Variants in RIN3 observed in about 807,000 individuals in gnomAD.
RIN3 encodes the protein RAB5 interacting protein 3.
RIN3 carries 54 observed loss-of-function variants against 76.3 expected under a neutral mutation model. That is an observed-to-expected ratio of 0.71 (90% confidence interval 0.57 to 0.89). The LOEUF is 0.89. Among genes scored for constraint, RIN3 ranks in the 40% least tolerant of loss-of-function variants. The pLI, the probability that RIN3 is intolerant of heterozygous loss-of-function variation, is 0.00. For synonymous variants in RIN3, 576 were observed against 564.0 expected, an observed-to-expected ratio of 1.02 and a Z score of -0.30; for missense variants, 1,256 against 1,322.1, an observed-to-expected ratio of 0.95 and a Z score of 0.78.
At chr14:92,671,083 C>T (rs1253826033) in intron 7 of RIN3, among the ~76,000 whole-genome samples, 1 of 152,184 alleles carries the variant, frequency 6.6e-6, no homozygotes, top group Non-Finnish European at 1.5e-5. Context: ...AGCCTACGTC[C>T]CAAGCCTGTG....
chr14:92,677,829 T>TGCCCACCCATCTACCCATCC (rs1888521320), intron 8 of RIN3, among the ~76,000 whole-genome samples: 5 of 149,390 alleles, frequency 3.3e-5, no homozygotes, highest in African/African-American at 1.2e-4. Flanking sequence ...CTCATCCACC[T>TGCCCACCCATCTACCCATCC]ACCCACCCAT....
intron 1 of RIN3, among the ~76,000 whole-genome samples, chr14:92,533,308 C>T (rs1896925203): frequency 1.3e-5 from 2 of 152,134 alleles, no homozygotes; most frequent in African/African-American, 4.8e-5. Context: ...TGTGCAGATT[C>T]CTTAAAGAAC....
At chr14:92,682,691 G>C (rs892815412) in intron 8 of RIN3, among the ~76,000 whole-genome samples, 1 of 152,168 alleles carries the variant, frequency 6.6e-6, no homozygotes, top group African/African-American at 2.4e-5. Context: ...GCCCCACCCA[G>C]CCTTCCACTT....
chr14:92,659,431 G>A lies in RIN3; in HGVS notation c.2297G>A (p.Cys766Tyr). The change falls in exon 7 of 10, where the codon TGC becomes TAC. Residue 766 changes from cysteine (C) to tyrosine (Y), a missense_variant. Cys to Tyr is a radical substitution (Grantham distance 194). This residue lies in a region of RIN3 where 428 missense variants were observed against 521.2 expected (regional missense o/e 0.82). Transcript: ENST00000216487. ...AAGATCTCCATCCTGCTCAAGACCT[G>A]CAAACTCATCTACGACTCCATGGCC... ...EKKISILLKT[C>Y]KLIYDSMALG... The A allele has an allele frequency of 6.2e-7, 1 of 1,612,500 alleles. No individual in the cohort carries two copies. The highest frequency in any genetic ancestry group is 8.5e-7 in the Non-Finnish European group (1 of 1,179,152).
intron 1 of RIN3, among the ~76,000 whole-genome samples, chr14:92,549,260 G>A (rs756373809): frequency 2.6e-5 from 4 of 152,180 alleles, no homozygotes; most frequent in East Asian, 3.9e-4. Flanking sequence ...CTCCCTTTCC[G>A]TCACACACTC....
rs185677645 is a variant in RIN3, at chr14:92,685,940, C to T, written c.2631+790C>T. ...GCCTCCCCTTTTACAGTGCATATCA[C>T]ATCCTATCATCCTCTGCATATGAAG... On this transcript the variant is annotated intron_variant, in intron 9 of 9. Coordinates refer to ENST00000216487, the MANE Select transcript of RIN3 (RefSeq NM_024832.5). This position sits in a 1 kb window ranked among gnomAD's most constrained non-coding sequence, Gnocchi z 4.7. 8 of 152,528 alleles carry T rather than the reference C, an allele frequency of 5.2e-5. No homozygotes were observed. 9.4% of individuals were successfully genotyped at this position (152,528 alleles called of 1,614,324 possible).
At chr14:92,541,632 C>G (rs74072940) in intron 1 of RIN3, among the ~76,000 whole-genome samples, 64 of 152,298 alleles carry the variant, frequency 4.2e-4, no homozygotes, top group African/African-American at 1.4e-3. Context: ...AGACCCCTAC[C>G]TCATGCCATA....
chr14:92,655,436 G>A (rs1887633477), intron 6 of RIN3, among the ~76,000 whole-genome samples: 2 of 152,240 alleles, frequency 1.3e-5, no homozygotes, highest in Admixed American at 1.3e-4. Context: ...GTGAGTGCAT[G>A]TGGATGGAAG....
chr14:92,666,734 C>T (rs1888118170), intron 7 of RIN3, among the ~76,000 whole-genome samples: 1 of 152,196 alleles, frequency 6.6e-6, no homozygotes, highest in African/African-American at 2.4e-5. Context: ...GAAACAGACT[C>T]AAGCCCAAGA....
intron 1 of RIN3, among the ~76,000 whole-genome samples, chr14:92,523,342 C>G (rs1243728004): frequency 2.0e-5 from 3 of 152,196 alleles, no homozygotes; most frequent in Admixed American, 2.0e-4. Flanking sequence ...GAACTCCTGT[C>G]CTCAGGTGAT....
rs1888920366 is a variant in RIN3, at chr14:92,687,806, G to A, written c.2632-120G>A. The A allele has an allele frequency of 3.4e-6, 3 of 876,944 alleles. No homozygotes were observed. The East Asian group carries it at 9.4e-5, about 28-fold the overall frequency. 54.3% of individuals were successfully genotyped at this position (876,944 alleles called of 1,614,324 possible). On this transcript the variant is annotated intron_variant, in intron 9 of 9. Coordinates refer to ENST00000216487, the MANE Select transcript of RIN3 (RefSeq NM_024832.5). The stretch of plus-strand genomic sequence containing the variant: ...AGAGACGGGAAAGGCGCAGGTGCCG[G>A]ACTCGCAGACAGCTTGGCGCCCGCC...
At chr14:92,562,259 G>A (rs1429209062) in intron 2 of RIN3, among the ~76,000 whole-genome samples, 1 of 152,154 alleles carries the variant, frequency 6.6e-6, no homozygotes, top group Non-Finnish European at 1.5e-5. Context: ...ACAGACTCTC[G>A]GAATGACTTA....
intron 7 of RIN3, among the ~76,000 whole-genome samples, chr14:92,660,012 T>A (rs1379008014): frequency 6.6e-6 from 1 of 152,158 alleles, no homozygotes; most frequent in Non-Finnish European, 1.5e-5. Flanking sequence ...AGAACGCCAG[T>A]CAGACTGGAT....
At chr14:92,577,326 A>G (rs374998431) in intron 2 of RIN3, 34 bp from the exon 3 acceptor site, 2 of 1,500,362 alleles carry the variant, frequency 1.3e-6, no homozygotes, top group Non-Finnish European at 1.9e-6. Context: ...CAAATCTTTA[A>G]TTCACGGAGC....
chr14:92,545,425 A>G (rs1025846190), intron 1 of RIN3, among the ~76,000 whole-genome samples: 1 of 151,900 alleles, frequency 6.6e-6, no homozygotes, highest in African/African-American at 2.4e-5. Flanking sequence ...TTCTGTTTTG[A>G]CGTGATTTCA....
chr14:92,537,055 C>G (rs1897018299), intron 1 of RIN3, among the ~76,000 whole-genome samples: 1 of 152,082 alleles, frequency 6.6e-6, no homozygotes, highest in African/African-American at 2.4e-5. Context: ...GTTTTCCCAC[C>G]TGGTCCCTTC....
chr14:92,582,480 C>G (rs1389179001), intron 3 of RIN3, among the ~76,000 whole-genome samples: 4 of 119,114 alleles, frequency 3.4e-5, no homozygotes, highest in Admixed American at 2.4e-4. Flanking sequence ...TGGAGTCTTG[C>G]TCTATCGCCC....
intron 5 of RIN3, among the ~76,000 whole-genome samples, chr14:92,642,242 A>G (rs1021871968): frequency 6.6e-6 from 1 of 151,936 alleles, no homozygotes; most frequent in Non-Finnish European, 1.5e-5. Context: ...AGCTGGGACT[A>G]TAGGCGCACA....
At chr14:92,546,427 A>G (rs1381500767) in intron 1 of RIN3, among the ~76,000 whole-genome samples, 1 of 152,228 alleles carries the variant, frequency 6.6e-6, no homozygotes, top group Non-Finnish European at 1.5e-5. Flanking sequence ...AATGTTTACT[A>G]TAGCCACTCC....
Sources: allele counts gnomAD v4.1 joint callset (sites outside exome capture counted in the v4.1 genomes callset), GRCh38; gene constraint gnomAD v4.1.1; regional missense constraint gnomAD v4.1.1; non-coding constraint Gnocchi (gnomAD v3.1); transcripts MANE v1.5; gene names NCBI Gene and HGNC (gene_info 2026-07-23, HGNC 2026-07-21).